ANO2: variants seen among roughly 807,000 people sequenced by gnomAD.
The protein encoded by ANO2 is anoctamin 2, also known as anoctamin-2.
In ANO2, 101 loss-of-function variants were observed where a neutral mutation model predicts 124.2. The observed-to-expected ratio is 0.81, with a 90% CI of 0.69 to 0.96. The LOEUF is 0.96. Among genes scored for constraint, ANO2 ranks in the 40% least tolerant of loss-of-function variants. The pLI is 0.00. For missense variants in ANO2, 1,293 were observed against 1,274.5 expected, an observed-to-expected ratio of 1.01 and a Z score of -0.22; for synonymous variants, 486 against 482.5, an observed-to-expected ratio of 1.01 and a Z score of -0.09.
chr12:5,790,501 T>A (rs565980966), intron 10 of ANO2, among the ~76,000 whole-genome samples: 10 of 152,266 alleles, frequency 6.6e-5, no homozygotes, highest in African/African-American at 2.2e-4. Flanking sequence ...TAAATCCCAA[T>A]CTTGTAAATC....
intron 14 of ANO2, among the ~76,000 whole-genome samples, chr12:5,664,233 A>G (rs1947588982): frequency 6.6e-6 from 1 of 152,078 alleles, no homozygotes; most frequent in Non-Finnish European, 1.5e-5. Context: ...CATTCCATCC[A>G]TCTATCTACC....
At chr12:5,632,907 G>C (rs1424295676) in intron 16 of ANO2, among the ~76,000 whole-genome samples, 5 of 151,986 alleles carry the variant, frequency 3.3e-5, no homozygotes, top group Non-Finnish European at 5.9e-5. Context: ...CTTTACATTG[G>C]ATCTCCTACC....
chr12:5,711,427 G>A (rs574228380), intron 14 of ANO2, among the ~76,000 whole-genome samples: 2 of 152,294 alleles, frequency 1.3e-5, no homozygotes, highest in Admixed American at 6.5e-5. Context: ...CGGCCAAGCA[G>A]ATGCTGGTGC....
At position 5,805,535 on chromosome 12, in the gene ANO2, A is replaced by C. The variant is rs148002797; in HGVS notation, c.990+517T>G. On this transcript the variant is annotated intron_variant, in intron 9 of 24. Coordinates refer to ENST00000682330, the MANE Select transcript of ANO2 (RefSeq NM_001364791.2). ...TCATCTATAATTTGGGAGTGGCTAT[A>C]CTCCACCTGCCTGCCTAAAAGGAAA... Among the ~76,000 whole-genome samples, 1,091 of 152,084 alleles carry C rather than the reference A, an allele frequency of 7.2e-3. 6 individuals carry two copies. Among genetic ancestry groups the C allele is most frequent in the African/African-American group, 0.024 (982 of 41,496 alleles).
At chr12:5,643,943 G>A (rs1946509213) in intron 15 of ANO2, among the ~76,000 whole-genome samples, 6 of 152,016 alleles carry the variant, frequency 3.9e-5, no homozygotes, top group Admixed American at 3.9e-4. Context: ...AGTTATAGTT[G>A]TTGCAAATAT....
In ANO2 at chr12:5,635,212, C is replaced by T. The variant is rs769108613; in HGVS notation, c.1756G>A (p.Val586Met). 4.0e-5 allele frequency: 64 copies of T among 1,611,096 alleles called. No homozygotes were observed. The highest frequency in any genetic ancestry group is 1.7e-4 in the Admixed American group (10 of 59,178). Residue 586 changes from valine (V) to methionine (M), a missense_variant, in exon 16 of 25, where the codon GTG becomes ATG. Coordinates refer to ENST00000682330, the MANE Select transcript of ANO2 (RefSeq NM_001364791.2). The surrounding 1 kb of genome is among the most constrained non-coding windows in gnomAD (Gnocchi z 5.2). ...VTATAVIINLVVILILDEIYG... is the reference protein window; with the variant it reads ...VTATAVIINLMVILILDEIYG... ...ATCTCGTCCAGGATGAGGATGACCA[C>T]GAGGTTGATGATGACTGCTGTTGCT...
chr12:5,855,280 A>C (rs1334471002), intron 3 of ANO2, among the ~76,000 whole-genome samples: 1 of 152,254 alleles, frequency 6.6e-6, no homozygotes, highest in Admixed American at 6.5e-5. Context: ...GATAGATGGC[A>C]AATAGAAGAC....
intron 14 of ANO2, among the ~76,000 whole-genome samples, chr12:5,721,550 G>C (rs1437037483): frequency 6.6e-6 from 1 of 151,018 alleles, no homozygotes; most frequent in Non-Finnish European, 1.5e-5. Flanking sequence ...TTGTCACCCA[G>C]GTTTCAGTGC....
intron 14 of ANO2, among the ~76,000 whole-genome samples, chr12:5,727,736 C>T (rs1431854489): frequency 6.7e-6 from 1 of 148,206 alleles, no homozygotes; most frequent in Non-Finnish European, 1.5e-5. Flanking sequence ...CTCCCAGGTT[C>T]ATGTCATTCT....
Position 5,585,077 on chromosome 12 carries a change from TG to T in ANO2, c.2234-6560del, listed in dbSNP as rs560398036. Among the ~76,000 whole-genome samples, 274 of 152,122 alleles carry T rather than the reference TG, an allele frequency of 1.8e-3. 8 individuals carry two copies. In the South Asian group the frequency reaches 0.053, roughly 30 times the overall value. The stretch of plus-strand genomic sequence containing the variant: ...AACAAAATGCCAGCATTAACAGTGC[TG>T]TAGAGTGCTGGGCAGAGGTAACTGA... On this transcript the variant is annotated intron_variant, in intron 20 of 24. Coordinates refer to ENST00000682330, the MANE Select transcript of ANO2 (RefSeq NM_001364791.2).
At chr12:5,613,295 C>A (rs1944638583) in intron 17 of ANO2, among the ~76,000 whole-genome samples, 1 of 152,134 alleles carries the variant, frequency 6.6e-6, no homozygotes, top group Admixed American at 6.6e-5. Flanking sequence ...GTCGTCACAC[C>A]TTCTTCCCTA....
At position 5,811,191 on chromosome 12, in the gene ANO2, G is replaced by T. The variant is rs578197390; in HGVS notation, c.893-3823C>A. Among the ~76,000 whole-genome samples, 50 of 152,214 alleles carry T rather than the reference G, an allele frequency of 3.3e-4. 1 individual carries two copies. Among genetic ancestry groups the T allele is most frequent in the African/African-American group, 1.2e-3 (50 of 41,530 alleles). ...GTGCCATACTCCTGAAAATCCATTTGGTTTTGATTCTCCCCAGAAAAGGGC... is the reference window on the plus strand; with the variant it reads ...GTGCCATACTCCTGAAAATCCATTTTGTTTTGATTCTCCCCAGAAAAGGGC... On this transcript the variant is annotated intron_variant, in intron 7 of 24. Transcript: ENST00000682330.
At chr12:5,716,177 A>G (rs992252683) in intron 14 of ANO2, among the ~76,000 whole-genome samples, 2 of 152,186 alleles carry the variant, frequency 1.3e-5, no homozygotes, top group Non-Finnish European at 2.9e-5. Flanking sequence ...TATTATTTTT[A>G]TACTCCAAAA....
Position 5,908,518 on chromosome 12 carries a change from T to C in ANO2, c.534+12522A>G, listed in dbSNP as rs1008897519. On this transcript the variant is annotated intron_variant, in intron 3 of 24. Transcript: ENST00000682330. The surrounding 1 kb of genome is among the most constrained non-coding windows in gnomAD (Gnocchi z 4.7). ...CAACTGCTGGCCACAGTGGAGTGGT[T>C]TGCAGTAGCCGAGACTCCCAACCCA... Among the ~76,000 whole-genome samples the C allele has an allele frequency of 6.6e-6, 1 of 152,184 alleles. No individual in the cohort carries two copies. Among genetic ancestry groups the C allele is most frequent in the Non-Finnish European group, 1.5e-5 (1 of 68,038 alleles).
At chr12:5,672,157 A>G (rs2136988809) in intron 14 of ANO2, among the ~76,000 whole-genome samples, 1 of 152,248 alleles carries the variant, frequency 6.6e-6, no homozygotes, top group Non-Finnish European at 1.5e-5. Flanking sequence ...CCAATTCCCC[A>G]CAGCACTGCC....
rs34506249 is a variant in ANO2 at position 5,903,677 on chromosome 12, G to GT, written c.534+17362_534+17363insA. Among the ~76,000 whole-genome samples the GT allele has an allele frequency of 2.9e-3, 430 of 150,554 alleles. 3 individuals carry two copies. The highest frequency in any genetic ancestry group is 9.9e-3 in the African/African-American group (399 of 40,304). On this transcript the variant is annotated intron_variant, in intron 3 of 24. Transcript: ENST00000682330. ...TGTGTGTGTGTGTGTGTGTGTGTGT[G>GT]GGTGTAGACAGCAAGGTCTGTGCAG...
At chr12:5,567,612 A>G (rs1040555136) in intron 23 of ANO2, among the ~76,000 whole-genome samples, 8 of 152,220 alleles carry the variant, frequency 5.3e-5, no homozygotes, top group African/African-American at 1.9e-4. Flanking sequence ...CTCTGCAGGA[A>G]CAGCTGCTCA....
At chr12:5,790,098 G>C (rs182288639) in intron 10 of ANO2, among the ~76,000 whole-genome samples, 2 of 152,302 alleles carry the variant, frequency 1.3e-5, no homozygotes, top group East Asian at 3.9e-4. Context: ...CTGAGATCTT[G>C]ATTCCCACAG....
rs1184262411 is a variant in ANO2, at chr12:5,658,518, TCAA to T, written c.1546-10720_1546-10718del. On this transcript the variant is annotated intron_variant, in intron 14 of 24. Transcript: ENST00000682330. This position sits in a 1 kb window ranked among gnomAD's most constrained non-coding sequence, Gnocchi z 4.3. The stretch of plus-strand genomic sequence containing the variant: ...CATCGTATCAAAATCAATATAATCA[TCAA>T]CATCAATATCATCGTATCAAAATCA... 9.2e-5 allele frequency among the ~76,000 whole-genome samples: 14 copies of T among 152,100 alleles called. No homozygotes were observed. The highest frequency in any genetic ancestry group is 1.9e-4 in the East Asian group (1 of 5,164).
Sources: gnomAD v4.1 joint callset for allele counts (sites outside exome capture counted in the v4.1 genomes callset) on GRCh38, gnomAD v4.1.1 for gene constraint, Gnocchi (gnomAD v3.1) non-coding constraint, MANE v1.5 for transcripts, NCBI Gene and HGNC (gene_info 2026-07-23, HGNC 2026-07-21) for gene names.